PIP5K1B: variants seen among roughly 807,000 people sequenced by gnomAD.
PIP5K1B encodes the protein phosphatidylinositol-4-phosphate 5-kinase type 1 beta, also known as phosphatidylinositol 4-phosphate 5-kinase type-1 beta.
PIP5K1B carries 42 observed loss-of-function variants against 67.0 expected under a neutral mutation model. The observed-to-expected ratio is 0.63, with a 90% CI of 0.49 to 0.81. PIP5K1B has a LOEUF of 0.81. PIP5K1B is among the 30% of genes least tolerant of loss of function. PIP5K1B has a pLI of 0.00. For synonymous variants in PIP5K1B, 214 were observed against 231.4 expected (o/e 0.92, Z 0.68); for missense variants, 459 against 646.3 (o/e 0.71, Z 3.14).
chr9:68,971,151 C>A lies in PIP5K1B; in HGVS notation c.1503-19989C>A, dbSNP rs75680829. ...ATTCTCCTAATGATAGAGTGCCCCC[C>A]ACTCCCCGACAGGCCCCAGTGTATG... On this transcript the variant is annotated intron_variant, in intron 14 of 15. Coordinates refer to ENST00000265382, the MANE Select transcript of PIP5K1B (RefSeq NM_003558.4). Among the ~76,000 whole-genome samples, 180 of 152,104 alleles carry A rather than the reference C, an allele frequency of 1.2e-3. 6 individuals are homozygous for A. The highest frequency in any genetic ancestry group is 1.2e-3 in the Non-Finnish European group (80 of 68,030).
At chr9:68,735,960 A>T (rs572495030) in intron 1 of PIP5K1B, among the ~76,000 whole-genome samples, 103 of 152,292 alleles carry the variant, frequency 6.8e-4, no homozygotes, top group Non-Finnish European at 1.1e-3. Flanking sequence ...CTCCAGGAAC[A>T]GCAGGTTGGT....
At chr9:68,890,380 A>G (rs994864519) in intron 7 of PIP5K1B, among the ~76,000 whole-genome samples, 12 of 152,318 alleles carry the variant, frequency 7.9e-5, no homozygotes, top group Middle Eastern at 3.4e-3. Flanking sequence ...TTAATTTTCT[A>G]TGATTGGAAG....
At chr9:68,831,115 A>G (rs148199337) in intron 4 of PIP5K1B, among the ~76,000 whole-genome samples, 3 of 152,348 alleles carry the variant, frequency 2.0e-5, no homozygotes, top group South Asian at 2.1e-4. Context: ...CATCTACTCA[A>G]TAGTCGTAGG....
intron 14 of PIP5K1B, among the ~76,000 whole-genome samples, chr9:68,956,095 C>T (rs956258752): frequency 1.3e-5 from 2 of 152,184 alleles, no homozygotes; most frequent in African/African-American, 4.8e-5. Context: ...ATAAGATGAA[C>T]TTCTAGATAA....
chr9:68,855,342 T>C (rs1822714889), intron 4 of PIP5K1B, among the ~76,000 whole-genome samples: 1 of 152,190 alleles, frequency 6.6e-6, no homozygotes, highest in Admixed American at 6.5e-5. Context: ...CTCTCTCTCT[T>C]GGTTTTCTCA....
At chr9:68,891,872 G>A (rs1359238924) in intron 7 of PIP5K1B, among the ~76,000 whole-genome samples, 4 of 152,120 alleles carry the variant, frequency 2.6e-5, no homozygotes, top group Non-Finnish European at 5.9e-5. Context: ...TGTTCATGAT[G>A]ACAACAACTT....
At chr9:68,934,157 A>G (rs74841868) in intron 12 of PIP5K1B, among the ~76,000 whole-genome samples, 2,875 of 152,336 alleles carry the variant, frequency 0.019, 37 homozygotes, top group Non-Finnish European at 0.029. Context: ...GCTGCCGCTT[A>G]AGCAGCTTCC....
intron 1 of PIP5K1B, among the ~76,000 whole-genome samples, chr9:68,718,151 C>T (rs567132910): frequency 6.6e-6 from 1 of 152,214 alleles, no homozygotes; most frequent in African/African-American, 2.4e-5. Context: ...TTTAAAACCC[C>T]CTAAAGACTC....
At chr9:68,776,347 A>C (rs1245323745) in intron 2 of PIP5K1B, among the ~76,000 whole-genome samples, 5 of 152,226 alleles carry the variant, frequency 3.3e-5, no homozygotes. Flanking sequence ...TATTGTTCTA[A>C]GTGCCTACTC....
At chr9:68,842,368 A>G (rs1477359122) in intron 4 of PIP5K1B, among the ~76,000 whole-genome samples, 4 of 152,190 alleles carry the variant, frequency 2.6e-5, no homozygotes, top group Admixed American at 6.5e-5. Context: ...CAAATTACCC[A>G]AGGTTGTTTT....
intron 1 of PIP5K1B, among the ~76,000 whole-genome samples, chr9:68,730,510 C>G (rs530296423): frequency 3.2e-4 from 49 of 152,308 alleles, no homozygotes; most frequent in African/African-American, 1.2e-3. Flanking sequence ...AATAACTTCA[C>G]AGAAACTTTT....
chr9:68,997,866 C>T (rs746447562), intron 15 of PIP5K1B, among the ~76,000 whole-genome samples: 3 of 152,020 alleles, frequency 2.0e-5, no homozygotes, highest in Admixed American at 6.6e-5. Context: ...TAAGGATTAG[C>T]GTAGGGAATT....
At chr9:68,786,575 T>G (rs1587447722) in intron 2 of PIP5K1B, among the ~76,000 whole-genome samples, 1 of 152,192 alleles carries the variant, frequency 6.6e-6, no homozygotes, top group Middle Eastern at 3.4e-3. Context: ...TTGAATCAAA[T>G]GATAGGTAAT....
chr9:68,901,964 G>A (rs971579804), intron 8 of PIP5K1B, among the ~76,000 whole-genome samples: 2 of 152,142 alleles, frequency 1.3e-5, no homozygotes, highest in Non-Finnish European at 2.9e-5. Flanking sequence ...ACATGCCGTT[G>A]GAAGCAATAA....
At chr9:68,947,214 C>T (rs1247442386) in intron 14 of PIP5K1B, among the ~76,000 whole-genome samples, 3 of 152,148 alleles carry the variant, frequency 2.0e-5, no homozygotes, top group Middle Eastern at 3.2e-3. Flanking sequence ...GGGGGAAATT[C>T]CAGAAACTCA....
Position 68,734,441 on chromosome 9 carries a change from A to G in PIP5K1B, c.-242-8060A>G, listed in dbSNP as rs573597831. ...GGAAAGATGTCTTAACTGGGAGGGA[A>G]GGACCATAAGAACAAAGGCTCAAAG... On this transcript the variant is annotated intron_variant, in intron 1 of 15. Transcript: ENST00000265382. Among the ~76,000 whole-genome samples the G allele has an allele frequency of 6.6e-4, 101 of 152,352 alleles. 1 individual carries two copies. The highest frequency in any genetic ancestry group is 6.8e-3 in the Middle Eastern group (2 of 294).
intron 1 of PIP5K1B, among the ~76,000 whole-genome samples, chr9:68,710,008 T>C (rs1244066723): frequency 6.6e-6 from 1 of 152,258 alleles, no homozygotes; most frequent in African/African-American, 2.4e-5. Flanking sequence ...GTCATGCAGC[T>C]GGTAAAGTCA....
intron 14 of PIP5K1B, among the ~76,000 whole-genome samples, chr9:68,970,861 G>T (rs1045369096): frequency 7.9e-5 from 12 of 152,168 alleles, no homozygotes; most frequent in Non-Finnish European, 1.5e-5. Flanking sequence ...AAAATATTAT[G>T]CTAAAATTGG....
At chr9:69,001,113 G>A (rs764363823) in intron 15 of PIP5K1B, among the ~76,000 whole-genome samples, 21 of 151,668 alleles carry the variant, frequency 1.4e-4, no homozygotes, top group Non-Finnish European at 2.5e-4. Context: ...CAGCATGTGG[G>A]CCAGGCTGGT....
Sources: allele counts gnomAD v4.1 joint callset (sites outside exome capture counted in the v4.1 genomes callset), GRCh38; gene constraint gnomAD v4.1.1; transcripts MANE v1.5; gene names NCBI Gene and HGNC (gene_info 2026-07-23, HGNC 2026-07-21).